WWOX: variants seen among roughly 807,000 people sequenced by gnomAD.
WWOX encodes WW domain-containing oxidoreductase.
Under a neutral mutation model 46.2 loss-of-function variants are expected in WWOX, and 69 were observed. The observed-to-expected ratio is 1.49, with a 90% CI of 1.23 to 1.82. WWOX has a LOEUF of 1.82. Ranked by LOEUF, WWOX falls within the 40% of genes most tolerant of loss-of-function variation. WWOX has a pLI of 0.00. For synonymous variants in WWOX, 359 were observed against 202.6 expected, an observed-to-expected ratio of 1.77 and a Z score of -6.56; for missense variants, 919 against 542.6, an observed-to-expected ratio of 1.69 and a Z score of -6.89.
chr16:79,156,384 C>A (rs1451540474), intron 8 of WWOX, among the ~76,000 whole-genome samples: 2 of 152,176 alleles, frequency 1.3e-5, no homozygotes, highest in Admixed American at 1.3e-4. Context: ...TATTCTCGAA[C>A]TCCTGACCTC....
chr16:78,136,153 A>G (rs1049860667), intron 4 of WWOX, among the ~76,000 whole-genome samples: 5 of 152,312 alleles, frequency 3.3e-5, no homozygotes, highest in Admixed American at 6.5e-5. Context: ...GAAATTCACA[A>G]TGCGTGCCAA....
intron 8 of WWOX, among the ~76,000 whole-genome samples, chr16:78,598,454 C>G (rs1022524288): frequency 6.6e-6 from 1 of 152,096 alleles, no homozygotes; most frequent in Non-Finnish European, 1.5e-5. Flanking sequence ...CCGCCCTGGC[C>G]CCTGTGCATT....
Position 78,369,061 on chromosome 16 carries a change from CT to C in WWOX, c.517-17789del, listed in dbSNP as rs35263202. ...TCCTTCCTCTATCCTTTTTCTTTCC[CT>C]TTTTTTTTTAACTATTCTTCTTTAG... On this transcript the variant is annotated intron_variant, in intron 5 of 8. Coordinates refer to ENST00000566780, the MANE Select transcript of WWOX (RefSeq NM_016373.4). Among the ~76,000 whole-genome samples the C allele has an allele frequency of 7.8e-3, 1,166 of 149,130 alleles. 5 individuals carry two copies. Among genetic ancestry groups the C allele is most frequent in the African/African-American group, 0.018 (750 of 40,708 alleles).
In WWOX at chr16:78,790,104, A is replaced by G. The variant is rs987044209; in HGVS notation, c.1056+357352A>G. ...AAGCATTTAATACCTAAAATCGAGT[A>G]CTGTTATTGTTTCAGGATTATTATT... is the stretch of plus-strand genomic sequence containing the variant. On this transcript the variant is annotated intron_variant, in intron 8 of 8. Transcript: ENST00000566780. Among the ~76,000 whole-genome samples, 5 of 152,148 alleles carry G rather than the reference A, an allele frequency of 3.3e-5. No homozygotes were observed. In the East Asian group the frequency reaches 9.6e-4, roughly 29 times the overall value.
intron 8 of WWOX, among the ~76,000 whole-genome samples, chr16:79,173,829 C>T (rs1199371322): frequency 7.0e-6 from 1 of 143,076 alleles, no homozygotes; most frequent in African/African-American, 3.0e-5. Flanking sequence ...ATGAGAGATA[C>T]TCTCTGACTA....
At chr16:78,224,497 A>C (rs1373153558) in intron 5 of WWOX, among the ~76,000 whole-genome samples, 1 of 152,112 alleles carries the variant, frequency 6.6e-6, no homozygotes, top group East Asian at 1.9e-4. Context: ...TAAATCCTTC[A>C]ACAGCATTAT....
At chr16:78,864,831 C>T (rs1315459864) in intron 8 of WWOX, among the ~76,000 whole-genome samples, 4 of 132,620 alleles carry the variant, frequency 3.0e-5, no homozygotes, top group Non-Finnish European at 4.6e-5. Context: ...GGTGTGAACT[C>T]GGCTCACTGC....
At chr16:78,798,641 T>C (rs895505573) in intron 8 of WWOX, among the ~76,000 whole-genome samples, 2 of 151,902 alleles carry the variant, frequency 1.3e-5, no homozygotes, top group African/African-American at 4.8e-5. Context: ...ATATAGGTTT[T>C]TCTCGAAACA....
chr16:78,355,676 A>T (rs747563586), intron 5 of WWOX: 1 of 732,736 alleles, frequency 1.4e-6, no homozygotes, highest in African/African-American at 1.8e-5. Context: ...TCAACATTTA[A>T]ATATGATCTT....
At position 78,883,339 on chromosome 16, in the gene WWOX, G is replaced by A. The variant is rs1439183940; in HGVS notation, c.1057-328269G>A. ...TGCCATCCGGTGACATCCTGGATTA[G>A]ACCCTGAATCAGAAAAAGGACTGTA... On this transcript the variant is annotated intron_variant, in intron 8 of 8. Transcript: ENST00000566780. Among the ~76,000 whole-genome samples, 5 of 152,286 alleles carry A rather than the reference G, an allele frequency of 3.3e-5. No individual in the cohort carries two copies. In the South Asian group the frequency reaches 8.3e-4, roughly 25 times the overall value.
intron 8 of WWOX, among the ~76,000 whole-genome samples, chr16:78,632,737 T>C (rs2151661851): frequency 6.6e-6 from 1 of 151,832 alleles, no homozygotes; most frequent in African/African-American, 2.4e-5. Context: ...TTTGTATTTT[T>C]AGTAGAGTTG....
chr16:79,125,218 G>A (rs1303870211), intron 8 of WWOX, among the ~76,000 whole-genome samples: 1 of 152,150 alleles, frequency 6.6e-6, no homozygotes, highest in Non-Finnish European at 1.5e-5. Context: ...TATTACAGCT[G>A]TAGTCTGCCA....
intron 4 of WWOX, among the ~76,000 whole-genome samples, chr16:78,160,502 T>C (rs2034759730): frequency 6.6e-6 from 1 of 152,220 alleles, no homozygotes; most frequent in Admixed American, 6.5e-5. Context: ...AGTTTGTATA[T>C]GTGTTTGTAA....
chr16:78,947,013 G>C (rs922676105), intron 8 of WWOX, among the ~76,000 whole-genome samples: 1 of 151,512 alleles, frequency 6.6e-6, no homozygotes, highest in African/African-American at 2.4e-5. Flanking sequence ...TTCCCCCTCA[G>C]TCTTGTCTCT....
intron 6 of WWOX, among the ~76,000 whole-genome samples, chr16:78,403,182 A>C (rs2082452548): frequency 6.6e-6 from 1 of 152,240 alleles, no homozygotes. Context: ...CACGTGCTTA[A>C]GCACATTCCC....
intron 8 of WWOX, among the ~76,000 whole-genome samples, chr16:79,049,088 G>A (rs2150525167): frequency 6.6e-6 from 1 of 152,314 alleles, no homozygotes; most frequent in South Asian, 2.1e-4. Context: ...CTTTAGTGCA[G>A]TGGTCAGCAG....
chr16:78,564,549 C>T (rs1036266258), intron 8 of WWOX, among the ~76,000 whole-genome samples: 2 of 152,232 alleles, frequency 1.3e-5, no homozygotes, highest in Non-Finnish European at 2.9e-5. Flanking sequence ...ACACAGAGAA[C>T]CCAGGAGACC....
At chr16:79,044,742 C>T (rs1314920463) in intron 8 of WWOX, among the ~76,000 whole-genome samples, 1 of 152,076 alleles carries the variant, frequency 6.6e-6, no homozygotes, top group East Asian at 1.9e-4. Context: ...GTAGAGGGGA[C>T]TGATGTTGAA....
At chr16:78,452,898 A>G (rs1308652196) in intron 8 of WWOX, among the ~76,000 whole-genome samples, 1 of 126,582 alleles carries the variant, frequency 7.9e-6, no homozygotes, top group African/African-American at 3.8e-5. Flanking sequence ...TTTGAGAGGG[A>G]ATCTTACTCT....
Sources: gnomAD v4.1 joint callset for allele counts (sites outside exome capture counted in the v4.1 genomes callset) on GRCh38, gnomAD v4.1.1 for gene constraint, MANE v1.5 for transcripts, NCBI Gene and HGNC (gene_info 2026-07-23, HGNC 2026-07-21) for gene names.